XPR1: variants seen among roughly 807,000 people sequenced by gnomAD.
The protein encoded by XPR1 is solute carrier family 53 member 1.
Under a neutral mutation model 87.5 loss-of-function variants are expected in XPR1, and 28 were observed. That is an observed-to-expected ratio of 0.32 (90% CI 0.24 to 0.44). XPR1 has a LOEUF of 0.44. XPR1 is among the 20% of genes least tolerant of loss of function. XPR1 has a pLI of 1.00. For missense variants in XPR1, 559 were observed against 862.3 expected (o/e 0.65, Z 4.41); for synonymous variants, 300 against 306.1 (o/e 0.98, Z 0.21).
At chr1:180,719,644 T>C (rs945257782) in intron 2 of XPR1, among the ~76,000 whole-genome samples, 7 of 152,194 alleles carry the variant, frequency 4.6e-5, no homozygotes, top group African/African-American at 1.4e-4. Context: ...GGGTACAGAG[T>C]GATATTTAGA....
intron 2 of XPR1, among the ~76,000 whole-genome samples, chr1:180,736,979 T>A (rs1658749798): frequency 6.6e-6 from 1 of 152,218 alleles, no homozygotes; most frequent in South Asian, 2.1e-4. Flanking sequence ...TACTCACACC[T>A]GCCCTGTGGA....
intron 6 of XPR1, among the ~76,000 whole-genome samples, chr1:180,808,711 G>A (rs1650091349): frequency 6.6e-6 from 1 of 152,074 alleles, no homozygotes; most frequent in African/African-American, 2.4e-5. Context: ...ATATCATTAG[G>A]CATTATGGAA....
chr1:180,836,781 C>G, intron 11 of XPR1, 65 bp downstream of exon 11: 2 of 1,540,988 alleles, frequency 1.3e-6, no homozygotes, highest in African/African-American at 2.7e-5. Context: ...GACTCTATTT[C>G]TTACTCTGGC....
chr1:180,799,483 A>G (rs186442785), intron 3 of XPR1, among the ~76,000 whole-genome samples: 4 of 152,348 alleles, frequency 2.6e-5, no homozygotes, highest in South Asian at 2.1e-4. Context: ...TTCCATGGCT[A>G]TGAGCCCATT....
At chr1:180,748,400 C>CTT (rs71297873) in intron 2 of XPR1, among the ~76,000 whole-genome samples, 628 of 29,650 alleles carry the variant, frequency 0.021, 196 homozygotes, top group Non-Finnish European at 0.03. Flanking sequence ...TTATTTATGT[C>CTT]TTTTTTTTTT....
At chr1:180,639,590 G>T (rs1654901423) in intron 1 of XPR1, among the ~76,000 whole-genome samples, 1 of 152,046 alleles carries the variant, frequency 6.6e-6, no homozygotes, top group Admixed American at 6.6e-5. Context: ...AAAGTGAGAA[G>T]TTTTTAGGTT....
intron 1 of XPR1, among the ~76,000 whole-genome samples, chr1:180,635,792 A>C (rs1654739935): frequency 1.3e-5 from 2 of 152,118 alleles, no homozygotes. Flanking sequence ...GAAACATCTG[A>C]GTTTCTTTAA....
chr1:180,678,139 C>G (rs549007014), intron 1 of XPR1, among the ~76,000 whole-genome samples: 1 of 152,346 alleles, frequency 6.6e-6, no homozygotes, highest in East Asian at 1.9e-4. Context: ...GGAGATGGCA[C>G]AGAGCCTGCA....
intron 2 of XPR1, among the ~76,000 whole-genome samples, chr1:180,687,846 TATATATTTTAG>T (rs1656838730): frequency 6.6e-6 from 1 of 151,572 alleles, no homozygotes; most frequent in African/African-American, 2.4e-5. Flanking sequence ...TATATGTAAA[TATATATTTTAG>T]ATATATTTCT....
intron 2 of XPR1, among the ~76,000 whole-genome samples, chr1:180,714,735 A>G (rs1657930910): frequency 6.6e-6 from 1 of 151,448 alleles, no homozygotes; most frequent in South Asian, 2.1e-4. Flanking sequence ...TTCCTCTTCG[A>G]TTGTTACTAT....
At chr1:180,684,738 C>G in intron 2 of XPR1, among the ~76,000 whole-genome samples, 1 of 152,084 alleles carries the variant, frequency 6.6e-6, no homozygotes. Flanking sequence ...GTATTTTATT[C>G]TCTTTGAAGC....
At chr1:180,683,445 T>G (rs1269305122) in intron 2 of XPR1, among the ~76,000 whole-genome samples, 1 of 152,194 alleles carries the variant, frequency 6.6e-6, no homozygotes, top group Non-Finnish European at 1.5e-5. Flanking sequence ...TGTGTCTTTA[T>G]AGCAGCGTGA....
In XPR1 at chr1:180,708,332, C is replaced by T. The variant is rs1657627749; in HGVS notation, c.121+25921C>T. ...TCCTGTTTTTGTTTTGTTTAATAAA[C>T]ACTTTGTAATTCCTTACTATGTGTG... On this transcript the variant is annotated intron_variant, in intron 2 of 14. Coordinates refer to ENST00000367590, the MANE Select transcript of XPR1 (RefSeq NM_004736.4). Among the ~76,000 whole-genome samples the T allele has an allele frequency of 2.6e-5, 4 of 152,120 alleles. No homozygotes were observed. In the South Asian group the frequency reaches 8.3e-4, roughly 32 times the overall value.
intron 1 of XPR1, among the ~76,000 whole-genome samples, chr1:180,637,511 C>T (rs1488075903): frequency 6.6e-6 from 1 of 152,114 alleles, no homozygotes; most frequent in Non-Finnish European, 1.5e-5. Context: ...CTTTAGTAGA[C>T]TTGACAAGAA....
chr1:180,738,682 T>C lies in XPR1; in HGVS notation c.122-49071T>C, dbSNP rs534168815. 2.0e-5 allele frequency among the ~76,000 whole-genome samples: 3 copies of C among 152,356 alleles called. No individual in the cohort carries two copies. The East Asian group carries it at 5.8e-4, about 29-fold the overall frequency. On this transcript the variant is annotated intron_variant, in intron 2 of 14. Transcript: ENST00000367590. ...TATTAAACATCTTTTTATATGCTTC[T>C]TTGCCATTAGTATTTCCCAGTCTTT...
intron 11 of XPR1, among the ~76,000 whole-genome samples, chr1:180,846,041 C>T (rs910826700): frequency 6.6e-6 from 1 of 152,090 alleles, no homozygotes; most frequent in African/African-American, 2.4e-5. Flanking sequence ...AGGCAGATTA[C>T]CTGAGGTTGG....
intron 2 of XPR1, among the ~76,000 whole-genome samples, chr1:180,687,755 G>A (rs1372979706): frequency 6.6e-6 from 1 of 151,774 alleles, no homozygotes; most frequent in East Asian, 1.9e-4. Context: ...TAAAATAAAT[G>A]TTTTATGATT....
intron 1 of XPR1, among the ~76,000 whole-genome samples, chr1:180,655,987 T>G (rs1433916950): frequency 6.6e-6 from 1 of 152,054 alleles, no homozygotes; most frequent in Admixed American, 6.6e-5. Context: ...CTTAGTTATT[T>G]TAAAATGTAC....
rs1239961505 is a variant in XPR1, at chr1:180,835,037, A to G, written c.1298A>G (p.Asn433Ser). Reference sequence around the variant, plus strand: ...GAAAGTAAGGGCCTGTTGCCAAATAATTCAGAAGGTAGGGTATGAATTTGC... The same window carrying G: ...GAAAGTAAGGGCCTGTTGCCAAATAGTTCAGAAGGTAGGGTATGAATTTGC... ...WDESKGLLPN[N>S]SEESGICHKY... The change falls in exon 10 of 15, where the codon AAT (asparagine) becomes AGT (serine). Residue 433 changes from asparagine (N) to serine (S), a missense_variant. This residue lies in a region of XPR1 where 264 missense variants were observed against 377.2 expected (regional missense o/e 0.70). Transcript: ENST00000367590. 6.2e-7 allele frequency: 1 copy of G among 1,613,868 alleles called. No homozygotes were observed. The highest frequency in any genetic ancestry group is 8.5e-7 in the Non-Finnish European group (1 of 1,179,870).
Sources: allele counts gnomAD v4.1 joint callset (sites outside exome capture counted in the v4.1 genomes callset), GRCh38; gene constraint gnomAD v4.1.1; regional missense constraint gnomAD v4.1.1; transcripts MANE v1.5; gene names NCBI Gene and HGNC (gene_info 2026-07-23, HGNC 2026-07-21).